TIAM1: variants seen among roughly 807,000 people sequenced by gnomAD.
The protein encoded by TIAM1 is TIAM Rac1 associated GEF 1.
Under a neutral mutation model 163.5 loss-of-function variants are expected in TIAM1, and 65 were observed. The observed-to-expected ratio is 0.40, with a 90% confidence interval of 0.33 to 0.49. The LOEUF (loss-of-function observed/expected upper bound fraction) is 0.49, where lower values mean the gene tolerates loss of function less well. Ranked by LOEUF, TIAM1 falls within the 20% of genes least tolerant of loss-of-function variation. TIAM1 has a pLI of 0.77. For synonymous variants in TIAM1, 833 were observed against 810.1 expected (o/e 1.03, Z -0.48); for missense variants, 1,789 against 2,044.7 (o/e 0.87, Z 2.41).
intron 2 of TIAM1, among the ~76,000 whole-genome samples, chr21:31,302,346 A>G (rs2074539200): frequency 6.6e-6 from 1 of 152,220 alleles, no homozygotes; most frequent in Admixed American, 6.5e-5. Flanking sequence ...GAATGTTTTC[A>G]CATTGTTTTG....
intron 6 of TIAM1, among the ~76,000 whole-genome samples, chr21:31,242,861 A>T: frequency 5.5e-5 from 1 of 18,106 alleles, no homozygotes; most frequent in South Asian, 4.0e-3. Context: ...ACTCTGTCTC[A>T]AAAAAAAAAA....
intron 10 of TIAM1, among the ~76,000 whole-genome samples, chr21:31,210,774 GAAAGAA>G (rs2086827767): frequency 3.6e-5 from 5 of 140,594 alleles, no homozygotes; most frequent in African/African-American, 1.5e-4. Flanking sequence ...AAGAAAGAAA[GAAAGAA>G]AGAAAGAAAG....
In TIAM1 at chr21:31,301,978, T is replaced by C. The variant is rs116024317; in HGVS notation, c.-188-25070A>G. 6.3e-3 allele frequency among the ~76,000 whole-genome samples: 953 copies of C among 151,158 alleles called. 6 individuals are homozygous for C. Among genetic ancestry groups the C allele is most frequent in the African/African-American group, 0.022 (914 of 41,376 alleles). On this transcript the variant is annotated intron_variant, in intron 2 of 27. Coordinates refer to ENST00000541036, the MANE Select transcript of TIAM1 (RefSeq NM_001353694.2). ...GTGTGTGTATATATGTGTGCGTATA[T>C]ATATATGTGCATATATAAAACATAT... is the stretch of plus-strand genomic sequence containing the variant.
chr21:31,483,159 A>G (rs2046169680), intron 1 of TIAM1, among the ~76,000 whole-genome samples: 1 of 152,212 alleles, frequency 6.6e-6, no homozygotes, highest in South Asian at 2.1e-4. Flanking sequence ...GAGATATTTT[A>G]TAAACATAAG....
chr21:31,503,507 GAAA>G (rs1231815992), intron 1 of TIAM1, among the ~76,000 whole-genome samples: 1 of 114,582 alleles, frequency 8.7e-6, no homozygotes, highest in Non-Finnish European at 1.8e-5. Flanking sequence ...AAGAGAAAGA[GAAA>G]AAAAGAGAAA....
At chr21:31,416,570 A>G (rs980130849) in intron 2 of TIAM1, among the ~76,000 whole-genome samples, 3 of 152,074 alleles carry the variant, frequency 2.0e-5, no homozygotes, top group Admixed American at 6.5e-5. Flanking sequence ...AGAACATACA[A>G]TATTTGGTTT....
At chr21:31,287,258 T>C (rs1233197273) in intron 2 of TIAM1, among the ~76,000 whole-genome samples, 1 of 152,232 alleles carries the variant, frequency 6.6e-6, no homozygotes, top group Non-Finnish European at 1.5e-5. Context: ...CTTAGGGCTA[T>C]CTAAAAACTG....
At chr21:31,155,714 C>A (rs763491105) in intron 16 of TIAM1, among the ~76,000 whole-genome samples, 1 of 152,086 alleles carries the variant, frequency 6.6e-6, no homozygotes, top group Admixed American at 6.5e-5. Context: ...ACATGTTGGC[C>A]AGGATGGTCT....
In TIAM1 at chr21:31,210,218, A is replaced by G. The variant is rs766473748; in HGVS notation, c.2218-3T>C. ...GGTAAGACCACTTCTTTCTCCCTCT[A>G]TAACAAGAAATAAAGTTAGCAGGGC... On this transcript the variant is annotated splice_region_variant and splice_polypyrimidine_tract_variant and intron_variant, in intron 10 of 27. Transcript: ENST00000541036. 5.6e-6 allele frequency: 9 copies of G among 1,613,712 alleles called. No individual in the cohort carries two copies. In the Admixed American group the frequency reaches 1.2e-4, roughly 21 times the overall value.
intron 2 of TIAM1, among the ~76,000 whole-genome samples, chr21:31,333,640 T>A (rs2075750326): frequency 6.6e-6 from 1 of 152,150 alleles, no homozygotes; most frequent in South Asian, 2.1e-4. Context: ...AGCCCTCACT[T>A]TATTGCCCAG....
At chr21:31,398,714 T>C (rs1417622654) in intron 2 of TIAM1, among the ~76,000 whole-genome samples, 1 of 152,266 alleles carries the variant, frequency 6.6e-6, no homozygotes, top group Non-Finnish European at 1.5e-5. Flanking sequence ...GCCACTTTGA[T>C]AAATATCTAA....
At chr21:31,324,862 C>G (rs535599291) in intron 2 of TIAM1, among the ~76,000 whole-genome samples, 2 of 152,306 alleles carry the variant, frequency 1.3e-5, no homozygotes, top group Non-Finnish European at 2.9e-5. Flanking sequence ...TAATGTTTCC[C>G]TGTACTGCCC....
At position 31,277,283 on chromosome 21, in the gene TIAM1, C is replaced by T. The variant is rs146991341; in HGVS notation, c.-188-375G>A. 6.6e-5 allele frequency among the ~76,000 whole-genome samples: 10 copies of T among 152,350 alleles called. No individual in the cohort carries two copies. In the East Asian group the frequency reaches 1.7e-3, roughly 26 times the overall value. On this transcript the variant is annotated intron_variant, in intron 2 of 27. Coordinates refer to ENST00000541036, the MANE Select transcript of TIAM1 (RefSeq NM_001353694.2). ...ACCTCTGGTCATCCTCACTGCTACA[C>T]TCCCACCAGCACCATGATAGTTTAC... is the stretch of plus-strand genomic sequence containing the variant.
At chr21:31,497,849 G>A (rs1174574537) in intron 1 of TIAM1, among the ~76,000 whole-genome samples, 2 of 152,170 alleles carry the variant, frequency 1.3e-5, no homozygotes, top group Non-Finnish European at 2.9e-5. Context: ...GCGCATTCCA[G>A]ACAAGTAAAG....
At chr21:31,151,982 C>T (rs1047859952) in intron 19 of TIAM1, among the ~76,000 whole-genome samples, 1 of 149,798 alleles carries the variant, frequency 6.7e-6, no homozygotes, top group Non-Finnish European at 1.5e-5. Flanking sequence ...TTTCCCAGAA[C>T]ACGATAAATT....
intron 2 of TIAM1, among the ~76,000 whole-genome samples, chr21:31,392,341 C>T (rs975947454): frequency 1.6e-4 from 24 of 151,960 alleles, no homozygotes; most frequent in Non-Finnish European, 3.1e-4. Context: ...GAGGCAGAGG[C>T]GGGTAGATCA....
chr21:31,345,642 G>A (rs939558683), upstream of TIAM1, among the ~76,000 whole-genome samples: 9 of 152,112 alleles, frequency 5.9e-5, no homozygotes, highest in African/African-American at 2.2e-4. Context: ...AAACAAAAGA[G>A]TACCCACAAA....
chr21:31,528,657 T>C (rs556091949), intron 1 of TIAM1, among the ~76,000 whole-genome samples: 2 of 150,386 alleles, frequency 1.3e-5, no homozygotes, highest in Admixed American at 6.6e-5. Context: ...ATAAAAAAAT[T>C]AGCCAGGCAT....
intron 1 of TIAM1, among the ~76,000 whole-genome samples, chr21:31,542,876 A>G (rs1308675814): frequency 2.6e-5 from 4 of 151,994 alleles, no homozygotes; most frequent in South Asian, 4.2e-4. Context: ...GCTGAGGTAG[A>G]AGAATCACTC....
Sources: gnomAD v4.1 joint callset for allele counts (sites outside exome capture counted in the v4.1 genomes callset) on GRCh38, gnomAD v4.1.1 for gene constraint, MANE v1.5 for transcripts, NCBI Gene and HGNC (gene_info 2026-07-23, HGNC 2026-07-21) for gene names.